Variants in HSD17B2 observed in about 807,000 individuals in gnomAD.
The protein encoded by HSD17B2 is hydroxysteroid 17-beta dehydrogenase 2, also known as 17-beta-hydroxysteroid dehydrogenase type 2.
In HSD17B2, 32 loss-of-function variants were observed where a neutral mutation model predicts 26.9. The observed-to-expected ratio is 1.19, with a 90% CI of 0.90 to 1.60. The LOEUF is 1.60. Ranked by LOEUF, HSD17B2 falls within the 40% of genes most tolerant of loss-of-function variation. The probability of loss-of-function intolerance (pLI) is 0.00; values close to 1 mark genes in which losing one functional copy is unlikely to be tolerated. For synonymous variants in HSD17B2, 246 were observed against 186.7 expected (o/e 1.32, Z -2.59); for missense variants, 613 against 468.6 (o/e 1.31, Z -2.85).
At chr16:82,074,499 A>G (rs1914768488) in intron 3 of HSD17B2, among the ~76,000 whole-genome samples, 1 of 152,248 alleles carries the variant, frequency 6.6e-6, no homozygotes, top group South Asian at 2.1e-4. Context: ...CTGTCAAGAT[A>G]GGAAAAAGAT....
chr16:82,041,735 C>A (rs563917788), intron 1 of HSD17B2, among the ~76,000 whole-genome samples: 1 of 152,326 alleles, frequency 6.6e-6, no homozygotes, highest in South Asian at 2.1e-4. Flanking sequence ...CCTACACTTC[C>A]TCCAAGGTAA....
At chr16:82,050,396 A>G (rs934338474) in intron 1 of HSD17B2, among the ~76,000 whole-genome samples, 1 of 151,712 alleles carries the variant, frequency 6.6e-6, no homozygotes, top group Non-Finnish European at 1.5e-5. Context: ...CTGCACCTAG[A>G]TATGTCCACG....
chr16:82,076,724 G>T (rs145243271), intron 3 of HSD17B2, among the ~76,000 whole-genome samples: 1 of 152,068 alleles, frequency 6.6e-6, no homozygotes, highest in Non-Finnish European at 1.5e-5. Flanking sequence ...ACAGGTGTGC[G>T]CCACCATGCC....
At chr16:82,036,437 G>A (rs1913628491) in intron 1 of HSD17B2, among the ~76,000 whole-genome samples, 1 of 151,372 alleles carries the variant, frequency 6.6e-6, no homozygotes, top group Non-Finnish European at 1.5e-5. Flanking sequence ...TGGAGTTTAA[G>A]CTTGGATAGG....
At chr16:82,045,544 A>C (rs1450852701) in intron 1 of HSD17B2, among the ~76,000 whole-genome samples, 1 of 152,370 alleles carries the variant, frequency 6.6e-6, no homozygotes, top group East Asian at 1.9e-4. Context: ...TTTCCAGTTC[A>C]GTAATCCCCT....
intron 2 of HSD17B2, 130 bp downstream of exon 2, chr16:82,068,512 C>A: frequency 1.4e-6 from 1 of 720,690 alleles, no homozygotes; most frequent in Admixed American, 2.7e-5. Context: ...CTGTGCTGAA[C>A]CCCTACCATG....
intron 2 of HSD17B2, 80 bp downstream of exon 2, chr16:82,068,462 C>A (rs1250384232): frequency 8.6e-7 from 1 of 1,165,618 alleles, no homozygotes; most frequent in Non-Finnish European, 1.2e-6. Context: ...TGAACATGCC[C>A]CCCCACTCCA....
At chr16:82,084,842 C>A (rs777496072) in intron 3 of HSD17B2, among the ~76,000 whole-genome samples, 1 of 152,192 alleles carries the variant, frequency 6.6e-6, no homozygotes, top group Non-Finnish European at 1.5e-5. Flanking sequence ...AAGCGATCCT[C>A]CCACTTCAGT....
chr16:82,065,169 A>T (rs1371689327), intron 1 of HSD17B2, among the ~76,000 whole-genome samples: 1 of 152,180 alleles, frequency 6.6e-6, no homozygotes, highest in Non-Finnish European at 1.5e-5. Flanking sequence ...CAAAGGAAGG[A>T]TTGGAAAGTG....
At chr16:82,087,882 C>T (rs536720499) in intron 3 of HSD17B2, among the ~76,000 whole-genome samples, 6 of 152,142 alleles carry the variant, frequency 3.9e-5, no homozygotes, top group South Asian at 2.1e-4. Context: ...CTTTTTATGA[C>T]GACCCCACTC....
At chr16:82,069,501 T>G (rs537460215) in intron 2 of HSD17B2, among the ~76,000 whole-genome samples, 2 of 152,198 alleles carry the variant, frequency 1.3e-5, no homozygotes, top group African/African-American at 4.8e-5. Context: ...TATACTCTCC[T>G]CCTTGGCTTT....
In HSD17B2 at chr16:82,068,277, C is replaced by G. The variant is rs140436659; in HGVS notation, c.373C>G (p.Arg125Gly). 1.2e-5 allele frequency: 19 copies of G among 1,613,676 alleles called. No homozygotes were observed. The highest frequency in any genetic ancestry group is 1.6e-4 in the Middle Eastern group (1 of 6,076). The change falls in exon 2 of 5, where the codon CGA becomes GGA. Residue 125 changes from arginine (R) to glycine (G), a missense_variant. Transcript: ENST00000199936. ...NENGPGAEELRRTCSPRLSVL... is the reference protein window; with the variant it reads ...NENGPGAEELGRTCSPRLSVL... ...AAATGGCCCAGGAGCTGAGGAATTG[C>G]GAAGAACCTGCTCTCCGCGCCTCTC...
At chr16:82,049,346 T>G (rs1021266735) in intron 1 of HSD17B2, among the ~76,000 whole-genome samples, 1 of 152,206 alleles carries the variant, frequency 6.6e-6, no homozygotes, top group Admixed American at 6.5e-5. Context: ...ACCTCAAATG[T>G]CAATAGCTCT....
intron 1 of HSD17B2, among the ~76,000 whole-genome samples, chr16:82,057,161 C>A (rs921748690): frequency 5.3e-5 from 8 of 151,666 alleles, no homozygotes; most frequent in African/African-American, 1.7e-4. Context: ...CTATTCCACC[C>A]TAAAGAAGGA....
intron 3 of HSD17B2, among the ~76,000 whole-genome samples, chr16:82,083,182 C>A (rs1904428019): frequency 6.6e-6 from 1 of 152,124 alleles, no homozygotes; most frequent in Non-Finnish European, 1.5e-5. Context: ...TGGGAAGTTC[C>A]AGGAGTGGGA....
chr16:82,070,383 T>A (rs766451364), intron 2 of HSD17B2, among the ~76,000 whole-genome samples: 48 of 152,196 alleles, frequency 3.2e-4, no homozygotes, highest in Non-Finnish European at 6.6e-4. Context: ...CCTCACCTTC[T>A]TCCACCTCGG....
chr16:82,058,745 T>A (rs576855972), intron 1 of HSD17B2, among the ~76,000 whole-genome samples: 80 of 152,246 alleles, frequency 5.3e-4, no homozygotes, highest in African/African-American at 1.9e-3. Flanking sequence ...GAATATAGAA[T>A]CGAGAAACCC....
chr16:82,070,011 G>A (rs573655457), intron 2 of HSD17B2, among the ~76,000 whole-genome samples: 1 of 152,138 alleles, frequency 6.6e-6, no homozygotes, highest in Non-Finnish European at 1.5e-5. Flanking sequence ...ACTGGTTTAC[G>A]CCAATAACTC....
At position 82,070,776 on chromosome 16, in the gene HSD17B2, C is replaced by A. The variant is rs1914679068; in HGVS notation, c.479-166C>A. ...CTGTTACAGGAATTCCCCTCCCACT[C>A]CCACTCCCTTTCCCTAAGGCTCTTG... On this transcript the variant is annotated intron_variant, in intron 2 of 4. Coordinates refer to ENST00000199936, the MANE Select transcript of HSD17B2 (RefSeq NM_002153.3). 22 of 612,612 alleles carry A rather than the reference C, an allele frequency of 3.6e-5. No individual in the cohort carries two copies. In the South Asian group the frequency reaches 4.5e-4, roughly 13 times the overall value. The allele number at this position is 612,612 out of a possible 1,614,324, so 37.9% of individuals were successfully genotyped here. A position where few individuals can be genotyped will look rare whatever the true frequency, so the allele number is the denominator to read the frequency against.
Sources: allele counts gnomAD v4.1 joint callset (sites outside exome capture counted in the v4.1 genomes callset), GRCh38; gene constraint gnomAD v4.1.1; transcripts MANE v1.5; gene names NCBI Gene and HGNC (gene_info 2026-07-23, HGNC 2026-07-21).